The following SAMD9 variants were observed in gnomAD, a reference collection of about 807,000 sequenced individuals.
SAMD9 encodes the protein sterile alpha motif domain-containing protein 9.
In SAMD9, 3 loss-of-function variants were observed where a neutral mutation model predicts 1.5. The ratio of observed to expected loss-of-function variants is 2.05; its 90% CI spans 0.93 to 5.29. The LOEUF is 5.29. Among genes scored for constraint, SAMD9 ranks in the 30% most tolerant of loss-of-function variants. The pLI is 0.02. For missense variants in SAMD9, 1,597 were observed against 1,820.8 expected, an observed-to-expected ratio of 0.88 and a Z score of 2.24; for synonymous variants, 635 against 631.9, an observed-to-expected ratio of 1.00 and a Z score of -0.07.
At position 93,104,988 on chromosome 7, in the gene SAMD9, T is replaced by C; in HGVS notation, c.1110A>G (p.Ala370=). The change falls in exon 3 of 3, where the codon GCA becomes GCG. Residue 370 remains alanine (A), a synonymous_variant. Transcript: ENST00000379958. The stretch of plus-strand genomic sequence containing the variant: ...TTTCTTCTGCTGCTTTTCTGGACTC[T>C]GCCAGTGTTTTAAAATCTGCTTTAA... ...RAFKADFKTL[A]ESRKAAEEKF... 2.5e-6 allele frequency: 4 copies of C among 1,613,668 alleles called. No homozygotes were observed. Among genetic ancestry groups the C allele is most frequent in the Non-Finnish European group, 3.4e-6 (4 of 1,179,930 alleles).
At position 93,100,941 on chromosome 7, in the gene SAMD9, AT is replaced by A. The variant is rs1791517154; in HGVS notation, c.*386del. On this transcript the variant is annotated 3_prime_UTR_variant, in exon 3 of 3. Transcript: ENST00000379958. ...GAGGTTTTTGCTGTCTTTGAGAAATATTTTCCCAGACATTCTAATGTCTAAA... is the reference window on the plus strand; with the variant it reads ...GAGGTTTTTGCTGTCTTTGAGAAATATTTCCCAGACATTCTAATGTCTAAA... 1.3e-5 allele frequency: 3 copies of A among 239,992 alleles called. No individual in the cohort carries two copies. Among genetic ancestry groups the A allele is most frequent in the Non-Finnish European group, 2.4e-5 (3 of 122,450 alleles). The allele number at this position is 239,992 out of a possible 1,614,324, so 14.9% of individuals were successfully genotyped here.
chr7:93,101,432 C>T lies in SAMD9; in HGVS notation c.4666G>A (p.Ala1556Thr), dbSNP rs34896991. 9,912 of 1,613,658 alleles carry T rather than the reference C, an allele frequency of 6.1e-3. 52 individuals are homozygous for T. Among genetic ancestry groups the T allele is most frequent in the Non-Finnish European group, 7.1e-3 (8,398 of 1,179,676 alleles). ...NEKITIPITP[A>T]FLGQLRSGRS... ...CCACTTCTAAGTTGACCTAAAAAAG[C>T]GGGAGTGATGGGTATTGTGATTTTT... Residue 1556 changes from alanine to threonine, a missense_variant, in exon 3 of 3, where the codon GCT becomes ACT. Transcript: ENST00000379958.
chr7:93,104,806 A>G lies in SAMD9; in HGVS notation c.1292T>C (p.Leu431Pro). 1 of 1,613,688 alleles carries G rather than the reference A, an allele frequency of 6.2e-7. No homozygotes were observed. The highest frequency in any genetic ancestry group is 1.7e-5 in the Admixed American group (1 of 59,898). Residue 431 changes from leucine to proline, a missense_variant, in exon 3 of 3, where the codon CTG (leucine) becomes CCG (proline). Coordinates refer to ENST00000379958, the MANE Select transcript of SAMD9 (RefSeq NM_017654.4). ...HPDQTKHLDF[L>P]KEIKWFAVLE... The stretch of plus-strand genomic sequence containing the variant: ...TACAGCAAACCATTTAATTTCCTTC[A>G]GGAAATCTAAGTGTTTTGTTTGATC...
Position 93,102,967 on chromosome 7 carries a change from T to C in SAMD9, c.3131A>G (p.Glu1044Gly). Residue 1044 changes from glutamate (E) to glycine (G), a missense_variant, in exon 3 of 3, where the codon GAA becomes GGA. Physicochemically the swap from Glu to Gly is moderately conservative, Grantham distance 98 (BLOSUM62 -2). Coordinates refer to ENST00000379958, the MANE Select transcript of SAMD9 (RefSeq NM_017654.4). The part of the protein sequence containing the change: ...LLLTRHRDEH[E>G]GETGNWFSPF... ...GGAAAACCAATTTCCTGTTTCACCT[T>C]CATGTTCATCGCGGTGTCTTGTGAG... 6.2e-7 allele frequency: 1 copy of C among 1,613,894 alleles called. No individual in the cohort carries two copies. The highest frequency in any genetic ancestry group is 8.5e-7 in the Non-Finnish European group (1 of 1,179,818).
In SAMD9 at chr7:93,099,532, T is replaced by C. The variant is rs1584250208; in HGVS notation, c.*1796A>G. On this transcript the variant is annotated 3_prime_UTR_variant, in exon 3 of 3. Coordinates refer to ENST00000379958, the MANE Select transcript of SAMD9 (RefSeq NM_017654.4). ...AACGCCATAAATAATATACAATTTT[T>C]ATTTGTCAATTAGAAAGTAACAATA... is the stretch of plus-strand genomic sequence containing the variant. The C allele has an allele frequency of 6.6e-6, 1 of 152,232 alleles. No individual in the cohort carries two copies. Among genetic ancestry groups the C allele is most frequent in the Non-Finnish European group, 1.5e-5 (1 of 68,040 alleles). 9.4% of individuals were successfully genotyped at this position (152,232 alleles called of 1,614,324 possible).
chr7:93,104,856 A>G lies in SAMD9; in HGVS notation c.1242T>C (p.Ile414=), dbSNP rs1171948291. The part of the protein sequence containing the change: ...LLDNSYYEQY[I]LVTNKCHPDQ... ...CTGGGTGGCATTTATTTGTTACAAG[A>G]ATGTACTGTTCATAGTATGAATTAT... The change falls in exon 3 of 3, where the codon ATT becomes ATC. Residue 414 remains isoleucine, a synonymous_variant. Transcript: ENST00000379958. 1 of 1,613,654 alleles carries G rather than the reference A, an allele frequency of 6.2e-7. No individual in the cohort carries two copies. Among genetic ancestry groups the G allele is most frequent in the South Asian group, 1.1e-5 (1 of 91,036 alleles).
chr7:93,102,159 T>G lies in SAMD9; in HGVS notation c.3939A>C (p.Ser1313=). ...YVDIFCLLEE[S]QNNTGLGSKF... ...TTGATCCAAGACCTGTGTTGTTTTG[T>G]GATTCTTCTAAGAGACAAAATATAT... is the stretch of plus-strand genomic sequence containing the variant. Residue 1313 remains serine, a synonymous_variant, in exon 3 of 3, where the codon TCA becomes TCC. Coordinates refer to ENST00000379958, the MANE Select transcript of SAMD9 (RefSeq NM_017654.4). 1 of 1,613,664 alleles carries G rather than the reference T, an allele frequency of 6.2e-7. No individual in the cohort carries two copies. The highest frequency in any genetic ancestry group is 8.5e-7 in the Non-Finnish European group (1 of 1,179,748).
At position 93,101,732 on chromosome 7, in the gene SAMD9, A is replaced by C. The variant is rs1226870919; in HGVS notation, c.4366T>G (p.Tyr1456Asp). Reference protein sequence around the residue: ...LDQHSEQMKEYAQALKNSFKG... With the variant: ...LDQHSEQMKEDAQALKNSFKG... ...AAAGAATTTTTTAGTGCTTGAGCAT[A>C]CTCTTTCATTTGTTCAGAATGTTGA... The change falls in exon 3 of 3, where the codon TAT becomes GAT. Residue 1456 changes from tyrosine to aspartate, a missense_variant. Physicochemically the swap from Tyr to Asp is radical, Grantham distance 160 (BLOSUM62 -3). Transcript: ENST00000379958. 2 of 1,613,500 alleles carry C rather than the reference A, an allele frequency of 1.2e-6. No homozygotes were observed. The highest frequency in any genetic ancestry group is 2.2e-5 in the East Asian group (1 of 44,860).
rs1213791262 is a variant in SAMD9 at position 93,103,149 on chromosome 7, G to A, written c.2949C>T (p.Ile983=). The A allele has an allele frequency of 6.2e-7, 1 of 1,613,802 alleles. No homozygotes were observed. Among genetic ancestry groups the A allele is most frequent in the Non-Finnish European group, 8.5e-7 (1 of 1,179,752 alleles). ...IECGNYCGVR[I]IHSLIAEFSL... Reference sequence around the variant, plus strand: ...AGAACTCTGCAATCAAAGAGTGAATGATGCGTACTCCACAGTAGTTCCCAC... The same window carrying A: ...AGAACTCTGCAATCAAAGAGTGAATAATGCGTACTCCACAGTAGTTCCCAC... The change falls in exon 3 of 3, where the codon ATC becomes ATT. Residue 983 remains isoleucine (I), a synonymous_variant. Coordinates refer to ENST00000379958, the MANE Select transcript of SAMD9 (RefSeq NM_017654.4).
rs776273788 is a variant in SAMD9 at position 93,102,311 on chromosome 7, A to G, written c.3787T>C (p.Ser1263Pro). The change falls in exon 3 of 3, where the codon TCT becomes CCT. Residue 1263 changes from serine to proline, a missense_variant. By Grantham distance (74) the Ser-to-Pro change is moderately conservative (BLOSUM62 -1). This residue lies in a region of SAMD9 where 682 missense variants were observed against 810.0 expected (regional missense o/e 0.84). Coordinates refer to ENST00000379958, the MANE Select transcript of SAMD9 (RefSeq NM_017654.4). ...YIPYLTKLKF[S>P]LKKSFDFFDE... Reference sequence around the variant, plus strand: ...AAAAAATCAAAGGACTTTTTCAAAGAAAATTTCAATTTAGTTAAATAAGGA... The same window carrying G: ...AAAAAATCAAAGGACTTTTTCAAAGGAAATTTCAATTTAGTTAAATAAGGA... 1 of 1,610,624 alleles carries G rather than the reference A, an allele frequency of 6.2e-7. No individual in the cohort carries two copies. The highest frequency in any genetic ancestry group is 8.5e-7 in the Non-Finnish European group (1 of 1,177,238).
Position 93,107,742 on chromosome 7 carries a change from G to A in SAMD9, c.-8-1637C>T, listed in dbSNP as rs921708851. 3.9e-5 allele frequency among the ~76,000 whole-genome samples: 6 copies of A among 152,128 alleles called. No homozygotes were observed. In the East Asian group the frequency reaches 9.6e-4, roughly 24 times the overall value. ...TGAAGATGCCAGAGCCATGGTCCAA[G>A]GTTTAAGCTATTATTTTTTTCATAT... is the stretch of plus-strand genomic sequence containing the variant. On this transcript the variant is annotated intron_variant, in intron 2 of 2. Transcript: ENST00000379958.
chr7:93,104,097 C>A lies in SAMD9; in HGVS notation c.2001G>T (p.Lys667Asn). Residue 667 changes from lysine to asparagine, a missense_variant, in exon 3 of 3, where the codon AAG (lysine) becomes AAT (asparagine). By Grantham distance (94) the Lys-to-Asn change is moderately conservative. Transcript: ENST00000379958. ...TGAATTCAAGGAATTTATTTTTGTC[C>A]TTCTCTAACAGTGTACCCTCACATT... ...ENECEGTLLE[K>N]DKNKFLEFKA... The A allele has an allele frequency of 1.2e-6, 2 of 1,613,824 alleles. No homozygotes were observed. The highest frequency in any genetic ancestry group is 1.7e-6 in the Non-Finnish European group (2 of 1,179,802).
At position 93,102,819 on chromosome 7, in the gene SAMD9, G is replaced by A; in HGVS notation, c.3279C>T (p.Tyr1093=). The A allele has an allele frequency of 6.2e-7, 1 of 1,613,808 alleles. No individual in the cohort carries two copies. Among genetic ancestry groups the A allele is most frequent in the Non-Finnish European group, 8.5e-7 (1 of 1,179,804 alleles). Residue 1093 remains tyrosine (Y), a synonymous_variant, in exon 3 of 3, where the codon TAC becomes TAT. Transcript: ENST00000379958. ...FICQALARHF[Y]IKKKDFGNAL... The stretch of plus-strand genomic sequence containing the variant: ...CATTGCCAAAGTCCTTCTTTTTAAT[G>A]TAGAAATGTCTTGCCAACGCTTGGC...
At position 93,117,890 on chromosome 7, in the gene SAMD9, T is replaced by C. The variant is rs1186464704; in HGVS notation, c.-137A>G. 3.3e-5 allele frequency: 5 copies of C among 152,242 alleles called. No individual in the cohort carries two copies. Among genetic ancestry groups the C allele is most frequent in the Non-Finnish European group, 5.9e-5 (4 of 68,036 alleles). 9.4% of individuals were successfully genotyped at this position (152,242 alleles called of 1,614,324 possible). A position where few individuals can be genotyped will look rare whatever the true frequency, so the allele number is the denominator to read the frequency against. Reference sequence around the variant, plus strand: ...AGTAGTCTTGCAAATTTCTTTTACATATATGTGGGGAAAACCATCTCTTTT... The same window carrying C: ...AGTAGTCTTGCAAATTTCTTTTACACATATGTGGGGAAAACCATCTCTTTT... On this transcript the variant is annotated 5_prime_UTR_variant, in exon 1 of 3. It adds an upstream start codon to the 5' untranslated region. Coordinates refer to ENST00000379958, the MANE Select transcript of SAMD9 (RefSeq NM_017654.4).
Position 93,099,582 on chromosome 7 carries a change from G to A in SAMD9, c.*1746C>T, listed in dbSNP as rs552145151. 8 of 152,334 alleles carry A rather than the reference G, an allele frequency of 5.3e-5. No homozygotes were observed. The South Asian group carries it at 6.2e-4, about 12-fold the overall frequency. 9.4% of individuals were successfully genotyped at this position (152,334 alleles called of 1,614,324 possible). ...AAAGAGTGAGCTTATAAGTTATGGA[G>A]TTAAAATTTTATGCAGAAGCAAGGG... On this transcript the variant is annotated 3_prime_UTR_variant, in exon 3 of 3. Transcript: ENST00000379958.
In SAMD9 at chr7:93,104,177, G is replaced by T; in HGVS notation, c.1921C>A (p.Leu641Ile). The T allele has an allele frequency of 6.2e-7, 1 of 1,613,882 alleles. No individual in the cohort carries two copies. The highest frequency in any genetic ancestry group is 8.5e-7 in the Non-Finnish European group (1 of 1,179,844). ...LLPSIGLSTV[L>I]LKKEEDIMTA... ...ATGATATCTTCTTCCTTTTTCAGAA[G>T]GACAGTCGATAAACCAATAGATGGC... Residue 641 changes from leucine to isoleucine, a missense_variant, in exon 3 of 3, where the codon CTT becomes ATT. Leu to Ile is a conservative substitution (Grantham distance 5). This residue lies in a region of SAMD9 where 358 missense variants were observed against 460.4 expected (regional missense o/e 0.78). Transcript: ENST00000379958.
In SAMD9 at chr7:93,102,369, G is replaced by C. The variant is rs1348188725; in HGVS notation, c.3729C>G (p.Asn1243Lys). The change falls in exon 3 of 3, where the codon AAC becomes AAG. Residue 1243 changes from asparagine to lysine, a missense_variant. Physicochemically the swap from Asn to Lys is moderately conservative, Grantham distance 94. Coordinates refer to ENST00000379958, the MANE Select transcript of SAMD9 (RefSeq NM_017654.4). ...TTTTGAGGGCTAATTTATATTCATT[G>C]TTTGGATCCCCTGGAATATCACTAC... ...SGSSDIPGDP[N>K]NEYKLALKNY... 19 of 1,608,574 alleles carry C rather than the reference G, an allele frequency of 1.2e-5. No homozygotes were observed. Among genetic ancestry groups the C allele is most frequent in the Non-Finnish European group, 1.6e-5 (19 of 1,175,564 alleles).
intron 2 of SAMD9, among the ~76,000 whole-genome samples, chr7:93,106,693 C>A (rs1791652646): frequency 6.6e-6 from 1 of 152,188 alleles, no homozygotes; most frequent in South Asian, 2.1e-4. Context: ...TTTGGTGACA[C>A]CCATTCTAAT....
At chr7:93,116,187 T>A (rs866771378) in intron 1 of SAMD9, among the ~76,000 whole-genome samples, 1 of 152,168 alleles carries the variant, frequency 6.6e-6, no homozygotes, top group African/African-American at 2.4e-5. Flanking sequence ...CTTTCACAGT[T>A]TTACAGACAC....
Sources: gnomAD v4.1 joint callset for allele counts (sites outside exome capture counted in the v4.1 genomes callset) on GRCh38, gnomAD v4.1.1 for gene constraint, gnomAD v4.1.1 regional missense constraint, MANE v1.5 for transcripts, NCBI Gene and HGNC (gene_info 2026-07-23, HGNC 2026-07-21) for gene names.